KCND3: variants seen among roughly 807,000 people sequenced by gnomAD.
KCND3 encodes potassium voltage-gated channel subfamily D member 3, also known as A-type voltage-gated potassium channel KCND3.
In KCND3, 9 loss-of-function variants were observed where a neutral mutation model predicts 51.1. The ratio of observed to expected loss-of-function variants is 0.18; its 90% CI spans 0.11 to 0.31. The LOEUF (loss-of-function observed/expected upper bound fraction) is 0.31. KCND3 is among the 10% of genes least tolerant of loss of function. KCND3 has a pLI of 1.00. For synonymous variants in KCND3, 349 were observed against 368.0 expected (o/e 0.95, Z 0.59); for missense variants, 526 against 903.8 (o/e 0.58, Z 5.36).
chr1:111,937,324 G>C (rs968383465), intron 2 of KCND3, among the ~76,000 whole-genome samples: 3 of 152,090 alleles, frequency 2.0e-5, no homozygotes, highest in African/African-American at 7.2e-5. Context: ...GCCACCCCAG[G>C]CAACCCCTCC....
intron 2 of KCND3, among the ~76,000 whole-genome samples, chr1:111,960,002 G>A (rs1038533390): frequency 4.6e-5 from 7 of 150,826 alleles, no homozygotes; most frequent in African/African-American, 1.5e-4. Flanking sequence ...CCTTTGCTCA[G>A]CACTCACTCT....
chr1:111,872,234 C>T (rs866018047), intron 2 of KCND3, among the ~76,000 whole-genome samples: 8 of 152,192 alleles, frequency 5.3e-5, no homozygotes, highest in Middle Eastern at 3.4e-3. Context: ...AAGACAAGAC[C>T]GTAGATTTCC....
intron 2 of KCND3, among the ~76,000 whole-genome samples, chr1:111,813,508 G>A (rs531062256): frequency 6.6e-5 from 10 of 152,226 alleles, no homozygotes; most frequent in Admixed American, 2.0e-4. Context: ...GATAATATTC[G>A]CCCAGGACAC....
At position 111,777,099 on chromosome 1, in the gene KCND3, T is replaced by C; in HGVS notation, c.1693A>G (p.Thr565Ala). The change falls in exon 7 of 8, where the codon ACT becomes GCT. Residue 565 changes from threonine to alanine, a missense_variant. Around this residue, in one of 5 missense-constraint regions of KCND3, gnomAD observed 266 missense variants for 305.5 expected, o/e 0.87. Coordinates refer to ENST00000302127, the MANE Select transcript of KCND3 (RefSeq NM_001378969.1). ...AGCTCTTGCATGCTGCGCAGGCGAG[T>C]AGCTGGCAGGTTAGAATTGGGCAGG... ...THLPNSNLPA[T>A]RLRSMQELST... The C allele has an allele frequency of 6.2e-7, 1 of 1,613,844 alleles. No homozygotes were observed. The highest frequency in any genetic ancestry group is 1.1e-5 in the South Asian group (1 of 91,054).
chr1:111,951,157 C>CAAAA (rs71081206), intron 2 of KCND3, among the ~76,000 whole-genome samples: 5 of 30,610 alleles, frequency 1.6e-4, no homozygotes, highest in Non-Finnish European at 2.4e-4. Flanking sequence ...CAAACAAGAG[C>CAAAA]AAAAAAAAAA....
At chr1:111,802,791 A>G (rs1665376947) in intron 2 of KCND3, among the ~76,000 whole-genome samples, 1 of 152,240 alleles carries the variant, frequency 6.6e-6, no homozygotes, top group South Asian at 2.1e-4. Flanking sequence ...GCCTAGGGAC[A>G]ATTGAATGTT....
intron 2 of KCND3, among the ~76,000 whole-genome samples, chr1:111,789,449 A>G (rs1664739576): frequency 1.3e-5 from 2 of 152,340 alleles, no homozygotes; most frequent in African/African-American, 4.8e-5. Context: ...AATTTACATC[A>G]CAGGCCCACA....
In KCND3 at chr1:111,982,753, C is replaced by G. The variant is rs756042489; in HGVS notation, c.-27G>C. ...GTGACTCCAGCTCTTGGGCCGGCAG[C>G]CGCGCGGACGCTAGGCACACCAGCT... On this transcript the variant is annotated 5_prime_UTR_variant, in exon 2 of 8. Coordinates refer to ENST00000302127, the MANE Select transcript of KCND3 (RefSeq NM_001378969.1). This position sits in a 1 kb window ranked among gnomAD's most constrained non-coding sequence, Gnocchi z 8.5. 22 of 1,588,220 alleles carry G rather than the reference C, an allele frequency of 1.4e-5. No individual in the cohort carries two copies. Among genetic ancestry groups the G allele is most frequent in the Non-Finnish European group, 1.7e-5 (20 of 1,174,346 alleles).
chr1:111,819,696 G>A (rs1666261068), intron 2 of KCND3, among the ~76,000 whole-genome samples: 1 of 152,142 alleles, frequency 6.6e-6, no homozygotes, highest in South Asian at 2.1e-4. Context: ...TGTGAAAGCA[G>A]CTCACAGGCC....
chr1:111,946,941 T>C (rs550478389), intron 2 of KCND3, among the ~76,000 whole-genome samples: 2 of 152,222 alleles, frequency 1.3e-5, no homozygotes, highest in Non-Finnish European at 2.9e-5. Flanking sequence ...CTTTTTTTGC[T>C]CTCTTTTGGT....
chr1:111,810,304 C>T (rs1665789964), intron 2 of KCND3, among the ~76,000 whole-genome samples: 1 of 152,124 alleles, frequency 6.6e-6, no homozygotes, highest in Non-Finnish European at 1.5e-5. Context: ...GTAGAATGGG[C>T]CTTTCCCTAC....
chr1:111,783,199 C>CAAAA (rs67241053), intron 3 of KCND3, among the ~76,000 whole-genome samples: 12 of 72,324 alleles, frequency 1.7e-4, no homozygotes, highest in African/African-American at 2.2e-4. Flanking sequence ...AATTCAAAGA[C>CAAAA]AAAAAAAAAA....
chr1:111,914,008 G>A (rs905639413), intron 2 of KCND3, among the ~76,000 whole-genome samples: 2 of 152,062 alleles, frequency 1.3e-5, no homozygotes, highest in African/African-American at 4.8e-5. Flanking sequence ...AAATGCCAGA[G>A]ATAATGGAAT....
chr1:111,987,704 G>A (rs1675365929), intron 1 of KCND3, among the ~76,000 whole-genome samples: 2 of 152,312 alleles, frequency 1.3e-5, no homozygotes, highest in Admixed American at 1.3e-4. Context: ...TCCTGCAACA[G>A]GCACAACAGT....
chr1:111,861,918 C>T (rs898451603), intron 2 of KCND3, among the ~76,000 whole-genome samples: 5 of 152,190 alleles, frequency 3.3e-5, no homozygotes, highest in Admixed American at 6.5e-5. Context: ...CTGAGTTATG[C>T]GAGGGACCCC....
Position 111,950,927 on chromosome 1 carries a change from T to C in KCND3, c.1106+30694A>G, listed in dbSNP as rs572747189. Among the ~76,000 whole-genome samples, 7 of 152,230 alleles carry C rather than the reference T, an allele frequency of 4.6e-5. No individual in the cohort carries two copies. The South Asian group carries it at 1.2e-3, about 27-fold the overall frequency. On this transcript the variant is annotated intron_variant, in intron 2 of 7. Transcript: ENST00000302127. Reference sequence around the variant, plus strand: ...GGCTTATGCCTGTAATCCCAGCACTTTGGGAGGCCAAGTTGGTGGGATCAC... The same window carrying C: ...GGCTTATGCCTGTAATCCCAGCACTCTGGGAGGCCAAGTTGGTGGGATCAC...
chr1:111,831,667 T>G (rs1666838541), intron 2 of KCND3, among the ~76,000 whole-genome samples: 1 of 152,172 alleles, frequency 6.6e-6, no homozygotes. Context: ...CAGGAAGTCT[T>G]CACTAACTGC....
At chr1:111,841,412 T>C (rs1416783028) in intron 2 of KCND3, among the ~76,000 whole-genome samples, 1 of 149,084 alleles carries the variant, frequency 6.7e-6, no homozygotes, top group East Asian at 2.0e-4. Context: ...ACTCTCTCTT[T>C]CTCAGTAGGT....
At chr1:111,848,292 A>G (rs146296307) in intron 2 of KCND3, among the ~76,000 whole-genome samples, 3 of 152,266 alleles carry the variant, frequency 2.0e-5, no homozygotes, top group Admixed American at 1.3e-4. Flanking sequence ...AGTCTGCTCT[A>G]TAGAGTGCTG....
Sources: gnomAD v4.1 joint callset for allele counts (sites outside exome capture counted in the v4.1 genomes callset) on GRCh38, gnomAD v4.1.1 for gene constraint, gnomAD v4.1.1 regional missense constraint, Gnocchi (gnomAD v3.1) non-coding constraint, MANE v1.5 for transcripts, NCBI Gene and HGNC (gene_info 2026-07-23, HGNC 2026-07-21) for gene names.